The following IQSEC3 variants were observed in gnomAD, a reference collection of about 807,000 sequenced individuals.
IQSEC3 encodes IQ motif and Sec7 domain ArfGEF 3.
Under a neutral mutation model 105.4 loss-of-function variants are expected in IQSEC3, and 50 were observed. The ratio of observed to expected loss-of-function variants is 0.47; its 90% CI spans 0.38 to 0.60. The LOEUF (loss-of-function observed/expected upper bound fraction) is 0.60, where lower values mean the gene tolerates loss of function less well. Among genes scored for constraint, IQSEC3 ranks in the 20% least tolerant of loss-of-function variants. IQSEC3 has a pLI of 0.00. For missense variants in IQSEC3, 1,415 were observed against 1,630.0 expected (o/e 0.87, Z 2.27); for synonymous variants, 708 against 746.0 (o/e 0.95, Z 0.83).
rs763302079 is a variant in IQSEC3 at position 175,994 on chromosome 12, T to A, written c.*961T>A. On this transcript the variant is annotated 3_prime_UTR_variant, in exon 14 of 14. Coordinates refer to ENST00000538872, the MANE Select transcript of IQSEC3 (RefSeq NM_001170738.2). ...GGCAGGGCTCCCTCCTGCATGAGGC[T>A]CGGCCCGAGGCAGGGCTCCCTCCTG... 3 of 142,184 alleles carry A rather than the reference T, an allele frequency of 2.1e-5. No homozygotes were observed. Among genetic ancestry groups the A allele is most frequent in the Non-Finnish European group, 4.4e-5 (3 of 67,968 alleles). 8.8% of individuals were successfully genotyped at this position (142,184 alleles called of 1,614,324 possible). A position where few individuals can be genotyped will look rare whatever the true frequency, so the allele number is the denominator to read the frequency against.
chr12:76,960 A>T (rs1455474333), intron 1 of IQSEC3, among the ~76,000 whole-genome samples: 2 of 152,260 alleles, frequency 1.3e-5, no homozygotes, highest in African/African-American at 4.8e-5. Context: ...GAGACAAGGG[A>T]GTTCCACAAT....
intron 8 of IQSEC3, 102 bp downstream of exon 8, chr12:162,167 A>C: frequency 7.8e-7 from 1 of 1,282,536 alleles, no homozygotes; most frequent in Non-Finnish European, 1.1e-6. Flanking sequence ...CTTTTTTCAT[A>C]TTCATTCACA....
chr12:141,161 G>T lies in IQSEC3; in HGVS notation c.2029G>T (p.Gly677Cys). Residue 677 changes from glycine (G) to cysteine (C), a missense_variant, in exon 5 of 14, where the codon GGC becomes TGC. Transcript: ENST00000538872. The stretch of plus-strand genomic sequence containing the variant: ...GGGCATCCAGTTCCTGATCTCACGC[G>T]GCTTCATCCCGGACACCCCCATCGG... ...DKGIQFLISRGFIPDTPIGVA... is the reference protein window; with the variant it reads ...DKGIQFLISRCFIPDTPIGVA... 6.3e-7 allele frequency: 1 copy of T among 1,585,520 alleles called. No homozygotes were observed. The highest frequency in any genetic ancestry group is 8.6e-7 in the Non-Finnish European group (1 of 1,164,152).
chr12:83,707 G>A (rs919778813), intron 1 of IQSEC3, among the ~76,000 whole-genome samples: 3 of 145,472 alleles, frequency 2.1e-5, no homozygotes, highest in Non-Finnish European at 4.6e-5. Flanking sequence ...GCGGGCGGGG[G>A]AGGAGGTGGG....
chr12:136,670 C>T (rs1180332107), intron 3 of IQSEC3, among the ~76,000 whole-genome samples: 2 of 152,208 alleles, frequency 1.3e-5, no homozygotes, highest in Non-Finnish European at 2.9e-5. Flanking sequence ...TCAGCGCACC[C>T]ATCCCGATTC....
intron 3 of IQSEC3, among the ~76,000 whole-genome samples, chr12:127,038 G>T (rs1445414391): frequency 6.6e-6 from 1 of 152,230 alleles, no homozygotes; most frequent in African/African-American, 2.4e-5. Flanking sequence ...AAGGAGGGTT[G>T]TTCTCAAACC....
At chr12:116,076 A>G (rs1248856037) in intron 2 of IQSEC3, among the ~76,000 whole-genome samples, 1 of 152,252 alleles carries the variant, frequency 6.6e-6, no homozygotes, top group Non-Finnish European at 1.5e-5. Context: ...AAAATAAAAC[A>G]TGGGACGTCC....
Position 138,941 on chromosome 12 carries a change from G to A in IQSEC3, c.1578G>A (p.Lys526=), listed in dbSNP as rs782609697. 1.3e-6 allele frequency: 2 copies of A among 1,581,008 alleles called. No homozygotes were observed. Among genetic ancestry groups the A allele is most frequent in the East Asian group, 2.3e-5 (1 of 43,472 alleles). ...CCCCCGCAGAGCCCGCGGCGGGCAA[G>A]GCCGAGCAGGGCGAGACCTCTGGGC... ...VQAPAEPAAG[K]AEQGETSGRE... is the part of the protein sequence containing the mutation. Residue 526 remains lysine, a synonymous_variant, in exon 4 of 14, where the codon AAG becomes AAA. Coordinates refer to ENST00000538872, the MANE Select transcript of IQSEC3 (RefSeq NM_001170738.2). This position sits in a 1 kb window ranked among gnomAD's most constrained non-coding sequence, Gnocchi z 7.1.
chr12:78,075 GC>G (rs1450735333), intron 1 of IQSEC3, among the ~76,000 whole-genome samples: 1 of 151,348 alleles, frequency 6.6e-6, no homozygotes, highest in East Asian at 1.9e-4. Context: ...GAGGAAGGCG[GC>G]TGCTGAGTCA....
intron 11 of IQSEC3, 114 bp downstream of exon 11, chr12:166,004 C>A: frequency 1.6e-6 from 2 of 1,227,084 alleles, no homozygotes; most frequent in Non-Finnish European, 2.3e-6. Context: ...TCGGACCCTC[C>A]CCGTGTCCAG....
chr12:85,105 T>C (rs1466302351), intron 1 of IQSEC3, among the ~76,000 whole-genome samples: 1 of 152,166 alleles, frequency 6.6e-6, no homozygotes, highest in African/African-American at 2.4e-5. Flanking sequence ...TTCAGAAAGG[T>C]TTTTTAAATC....
At chr12:83,472 T>C (rs529015190) in intron 1 of IQSEC3, among the ~76,000 whole-genome samples, 1 of 150,410 alleles carries the variant, frequency 6.6e-6, no homozygotes, top group South Asian at 2.1e-4. Context: ...ACTTAGGGGG[T>C]GGCATCTGAG....
chr12:93,605 G>C (rs1483474237), intron 1 of IQSEC3, among the ~76,000 whole-genome samples: 2 of 152,180 alleles, frequency 1.3e-5, no homozygotes, highest in African/African-American at 2.4e-5. Context: ...CTCTGCCCAC[G>C]GTCTCAGTAT....
intron 5 of IQSEC3, among the ~76,000 whole-genome samples, chr12:156,598 C>T (rs1405539780): frequency 2.0e-5 from 3 of 152,176 alleles, no homozygotes; most frequent in African/African-American, 7.2e-5. Context: ...ACTCAGCCCC[C>T]TCAAGACCTA....
rs782275816 is a variant in IQSEC3 at position 138,948 on chromosome 12, C to A, written c.1585C>A (p.Gln529Lys). 2 of 1,576,420 alleles carry A rather than the reference C, an allele frequency of 1.3e-6. No individual in the cohort carries two copies. The highest frequency in any genetic ancestry group is 1.7e-6 in the Non-Finnish European group (2 of 1,162,418). The change falls in exon 4 of 14, where the codon CAG becomes AAG. Residue 529 changes from glutamine (Q) to lysine (K), a missense_variant. By Grantham distance (53) the Gln-to-Lys change is moderately conservative. Transcript: ENST00000538872. This position sits in a 1 kb window ranked among gnomAD's most constrained non-coding sequence, Gnocchi z 7.1. ...AGAGCCCGCGGCGGGCAAGGCCGAG[C>A]AGGGCGAGACCTCTGGGCGGGAGGC... ...PAEPAAGKAE[Q>K]GETSGREAPE...
Position 122,475 on chromosome 12 carries a change from A to C in IQSEC3, c.624-3158A>C, listed in dbSNP as rs191582495. On this transcript the variant is annotated intron_variant, in intron 2 of 13. Coordinates refer to ENST00000538872, the MANE Select transcript of IQSEC3 (RefSeq NM_001170738.2). ...GGTGGCCCATGAACAAAGGCCCACA[A>C]CAAGGCTATTTTTTAAAATTTGTTT... is the stretch of plus-strand genomic sequence containing the variant. Among the ~76,000 whole-genome samples, 62 of 152,366 alleles carry C rather than the reference A, an allele frequency of 4.1e-4. No individual in the cohort carries two copies. In the East Asian group the frequency reaches 9.1e-3, roughly 22 times the overall value.
chr12:157,974 A>G (rs1866754482), intron 7 of IQSEC3, among the ~76,000 whole-genome samples: 1 of 152,236 alleles, frequency 6.6e-6, no homozygotes, highest in Non-Finnish European at 1.5e-5. Context: ...CCCTGACACC[A>G]GAGCTGGCGG....
At chr12:131,118 C>A (rs1483059392) in intron 3 of IQSEC3, among the ~76,000 whole-genome samples, 1 of 150,246 alleles carries the variant, frequency 6.7e-6, no homozygotes, top group Non-Finnish European at 1.5e-5. Context: ...TCAGCGGCCT[C>A]TTCAGGCTCA....
chr12:99,868 T>C (rs1302361801), intron 2 of IQSEC3, among the ~76,000 whole-genome samples: 1 of 152,184 alleles, frequency 6.6e-6, no homozygotes, highest in Non-Finnish European at 1.5e-5. Flanking sequence ...TCCCTCCGCA[T>C]CTGCCTCTGT....
Sources: allele counts gnomAD v4.1 joint callset (sites outside exome capture counted in the v4.1 genomes callset), GRCh38; gene constraint gnomAD v4.1.1; non-coding constraint Gnocchi (gnomAD v3.1); transcripts MANE v1.5; gene names NCBI Gene and HGNC (gene_info 2026-07-23, HGNC 2026-07-21).